Variants in PPARG observed in about 807,000 individuals in gnomAD.
PPARG encodes the protein peroxisome proliferator-activated receptor gamma.
PPARG carries 17 observed loss-of-function variants against 39.2 expected under a neutral mutation model. That is an observed-to-expected ratio of 0.43 (90% CI 0.30 to 0.65). The LOEUF (loss-of-function observed/expected upper bound fraction) is 0.65, where lower values mean the gene tolerates loss of function less well. Among genes scored for constraint, PPARG ranks in the 30% least tolerant of loss-of-function variants. PPARG has a pLI of 0.13. For synonymous variants in PPARG, 223 were observed against 215.7 expected (o/e 1.03, Z -0.30); for missense variants, 406 against 585.9 (o/e 0.69, Z 3.17).
At position 12,416,895 on chromosome 3, in the gene PPARG, T is replaced by G. The variant is rs144308122; in HGVS notation, c.921T>G (p.Leu307=). The change falls in exon 7 of 8, where the codon CTT becomes CTG. Residue 307 remains leucine, a synonymous_variant. Transcript: ENST00000651735. ...YAKSIPGFVN[L]DLNDQVTLLK... ...AAAGCATTCCTGGTTTTGTAAATCT[T>G]GACTTGAACGACCAAGTAACTCTCC... The G allele has an allele frequency of 1.2e-6, 2 of 1,614,018 alleles. No individual in the cohort carries two copies. Among genetic ancestry groups the G allele is most frequent in the Non-Finnish European group, 1.7e-6 (2 of 1,180,022 alleles).
In PPARG at chr3:12,397,993, G is replaced by A. The variant is rs531885246; in HGVS notation, c.529+5241G>A. On this transcript the variant is annotated intron_variant, in intron 5 of 7. Transcript: ENST00000651735. ...GATACCTCTGGGCCTCTGTTGATGC[G>A]TCTGTCTGTTCCTTGTGGAAATTCT... Among the ~76,000 whole-genome samples, 15 of 152,176 alleles carry A rather than the reference G, an allele frequency of 9.9e-5. No individual in the cohort carries two copies. The East Asian group carries it at 1.4e-3, about 14-fold the overall frequency.
At position 12,417,137 on chromosome 3, in the gene PPARG, T is replaced by C. The variant is rs2051090844; in HGVS notation, c.1163T>C (p.Val388Ala). 6.2e-7 allele frequency: 1 copy of C among 1,613,998 alleles called. No homozygotes were observed. The highest frequency in any genetic ancestry group is 1.3e-5 in the African/African-American group (1 of 75,046). ...AGCGACTTGGCAATATTTATTGCTGTCATTATTCTCAGTGGAGGTAAGATT... is the reference window on the plus strand; with the variant it reads ...AGCGACTTGGCAATATTTATTGCTGCCATTATTCTCAGTGGAGGTAAGATT... The part of the protein sequence containing the change: ...DDSDLAIFIA[V>A]IILSGDRPGL... Residue 388 changes from valine (V) to alanine (A), a missense_variant, in exon 7 of 8, where the codon GTC becomes GCC. By Grantham distance (64) the Val-to-Ala change is moderately conservative. Coordinates refer to ENST00000651735, the MANE Select transcript of PPARG (RefSeq NM_138711.6).
intron 6 of PPARG, 100 bp downstream of exon 6, chr3:12,406,181 A>C: frequency 8.4e-7 from 1 of 1,187,180 alleles, no homozygotes; most frequent in Non-Finnish European, 1.2e-6. Flanking sequence ...ATGCACACAC[A>C]GAATATTGTT....
Position 12,330,301 on chromosome 3 carries a change from T to TA in PPARG, c.-9+17848_-9+17849insA, listed in dbSNP as rs1302998459. 2.8e-3 allele frequency among the ~76,000 whole-genome samples: 323 copies of TA among 114,558 alleles called. 2 individuals carry two copies. The highest frequency in any genetic ancestry group is 9.5e-3 in the Middle Eastern group (2 of 210). The allele number at this position is 114,558 out of a possible 152,430, so 75.2% of individuals were successfully genotyped here. On this transcript the variant is annotated intron_variant, in intron 2 of 7. Coordinates refer to ENST00000651735, the MANE Select transcript of PPARG (RefSeq NM_138711.6). ...CTCTACATTGCTACAACACCTTTTT[T>TA]TAAAAAAAAAAAAAAAAAAAAAGCT...
chr3:12,386,998 C>G (rs1020327689), intron 4 of PPARG, among the ~76,000 whole-genome samples: 1 of 151,838 alleles, frequency 6.6e-6, no homozygotes, highest in African/African-American at 2.4e-5. Context: ...TGATAGTTTG[C>G]TTAGGATGAT....
intron 2 of PPARG, among the ~76,000 whole-genome samples, chr3:12,336,648 A>G (rs1215456012): frequency 6.6e-5 from 10 of 152,146 alleles, no homozygotes; most frequent in Admixed American, 6.5e-4. Flanking sequence ...TTTGATAGCT[A>G]TTATTTTTTA....
intron 7 of PPARG, among the ~76,000 whole-genome samples, chr3:12,420,243 T>C (rs1378823010): frequency 6.6e-6 from 1 of 152,248 alleles, no homozygotes; most frequent in African/African-American, 2.4e-5. Context: ...CTGGGCTTTA[T>C]GAAGTGAGAT....
In PPARG at chr3:12,310,487, A is replaced by G. The variant is rs1354731338; in HGVS notation, c.-82-1893A>G. Among the ~76,000 whole-genome samples, 17 of 93,748 alleles carry G rather than the reference A, an allele frequency of 1.8e-4. 2 individuals carry two copies. The highest frequency in any genetic ancestry group is 2.8e-4 in the Admixed American group (2 of 7,090). The allele number at this position is 93,748 out of a possible 152,430, so 61.5% of individuals were successfully genotyped here. ...TTTTTTTTTTTTTTTTTTTTGAGAC[A>G]GAGTCTCGCTCTGTCGCCCAGGCTG... On this transcript the variant is annotated intron_variant, in intron 1 of 7. Transcript: ENST00000651735.
intron 2 of PPARG, among the ~76,000 whole-genome samples, chr3:12,332,643 G>T (rs894815231): frequency 6.6e-6 from 1 of 152,144 alleles, no homozygotes; most frequent in Non-Finnish European, 1.5e-5. Context: ...CATCCAAATA[G>T]ATTGTCTTTG....
chr3:12,416,854 A>G lies in PPARG; in HGVS notation c.880A>G (p.Ile294Val). 1 of 1,614,164 alleles carries G rather than the reference A, an allele frequency of 6.2e-7. No homozygotes were observed. The highest frequency in any genetic ancestry group is 1.7e-5 in the Admixed American group (1 of 60,026). ...QFRSVEAVQE[I>V]TEYAKSIPGF... ...TCGCTCCGTGGAGGCTGTGCAGGAG[A>G]TCACAGAGTATGCCAAAAGCATTCC... Residue 294 changes from isoleucine (I) to valine (V), a missense_variant, in exon 7 of 8, where the codon ATC becomes GTC. Ile to Val is a conservative substitution (Grantham distance 29, BLOSUM62 3). Transcript: ENST00000651735.
At chr3:12,407,223 T>C (rs1314621228) in intron 6 of PPARG, among the ~76,000 whole-genome samples, 1 of 151,958 alleles carries the variant, frequency 6.6e-6, no homozygotes, top group East Asian at 1.9e-4. Context: ...TGCAGTGGCG[T>C]GATCTCGGCT....
chr3:12,401,392 G>T (rs1315400599), intron 5 of PPARG, among the ~76,000 whole-genome samples: 1 of 152,092 alleles, frequency 6.6e-6, no homozygotes, highest in Non-Finnish European at 1.5e-5. Flanking sequence ...TACCAGCCTG[G>T]TCTAGAACCC....
In PPARG at chr3:12,304,876, C is replaced by T. The variant is rs571287632; in HGVS notation, c.-82-7504C>T. On this transcript the variant is annotated intron_variant, in intron 1 of 7. Transcript: ENST00000651735. ...TTTTGGCTGAGTAATTTTGGTGGCT[C>T]CTTAATTTCTTAATATTTAACAACT... is the stretch of plus-strand genomic sequence containing the variant. Among the ~76,000 whole-genome samples, 7 of 152,204 alleles carry T rather than the reference C, an allele frequency of 4.6e-5. No individual in the cohort carries two copies. In the South Asian group the frequency reaches 1.5e-3, roughly 32 times the overall value.
intron 6 of PPARG, among the ~76,000 whole-genome samples, chr3:12,407,308 A>C (rs758751019): frequency 5.3e-5 from 8 of 152,248 alleles, no homozygotes; most frequent in South Asian, 2.1e-4. Flanking sequence ...TTGCAGGCGC[A>C]TGCCACCATG....
intron 6 of PPARG, among the ~76,000 whole-genome samples, chr3:12,409,357 T>G (rs1315408695): frequency 6.6e-6 from 1 of 151,896 alleles, no homozygotes; most frequent in Non-Finnish European, 1.5e-5. Flanking sequence ...CTTCTCCTTA[T>G]CTTGCAAAAT....
At chr3:12,385,643 T>G (rs138055211) in intron 4 of PPARG, among the ~76,000 whole-genome samples, 425 of 152,268 alleles carry the variant, frequency 2.8e-3, no homozygotes, top group Non-Finnish European at 4.9e-3. Flanking sequence ...GTAAATACAG[T>G]CTACCATACA....
At chr3:12,399,062 G>T (rs201730654) in intron 5 of PPARG, among the ~76,000 whole-genome samples, 1 of 152,140 alleles carries the variant, frequency 6.6e-6, no homozygotes, top group Non-Finnish European at 1.5e-5. Flanking sequence ...AATATACCCA[G>T]TCTCCCCTAC....
Position 12,329,228 on chromosome 3 carries a change from T to C in PPARG, c.-9+16775T>C, listed in dbSNP as rs1224195944. ...GTGCTCTCACTTTTCTCTCCTTGAT[T>C]CTGATGTCAATCACTCATTGTCACC... On this transcript the variant is annotated intron_variant, in intron 2 of 7. Transcript: ENST00000651735. Among the ~76,000 whole-genome samples the C allele has an allele frequency of 2.0e-5, 3 of 151,672 alleles. No individual in the cohort carries two copies. In the East Asian group the frequency reaches 5.8e-4, roughly 29 times the overall value.
chr3:12,364,099 C>T (rs77995786), intron 2 of PPARG, among the ~76,000 whole-genome samples: 3 of 152,070 alleles, frequency 2.0e-5, no homozygotes, highest in Admixed American at 2.0e-4. Flanking sequence ...AAGATTCACT[C>T]TTCGTGTTAT....
Sources: allele counts gnomAD v4.1 joint callset (sites outside exome capture counted in the v4.1 genomes callset), GRCh38; gene constraint gnomAD v4.1.1; transcripts MANE v1.5; gene names NCBI Gene and HGNC (gene_info 2026-07-23, HGNC 2026-07-21).